SH3RF3: variants seen among roughly 807,000 people sequenced by gnomAD.
SH3RF3 encodes SH3 domain containing ring finger 3.
A neutral mutation model predicts 66.3 loss-of-function variants in SH3RF3; 29 were observed. That is an observed-to-expected ratio of 0.44 (90% CI 0.33 to 0.60). SH3RF3 has a LOEUF of 0.60. Ranked by LOEUF, SH3RF3 falls within the 20% of genes least tolerant of loss-of-function variation. The pLI, the probability that SH3RF3 is intolerant of heterozygous loss-of-function variation, is 0.04. For missense variants in SH3RF3, 1,194 were observed against 1,190.9 expected (o/e 1.00, Z -0.04); for synonymous variants, 583 against 532.0 (o/e 1.10, Z -1.32).
chr2:109,165,788 C>T (rs1677605400), intron 1 of SH3RF3, among the ~76,000 whole-genome samples: 1 of 152,130 alleles, frequency 6.6e-6, no homozygotes, highest in Non-Finnish European at 1.5e-5. Flanking sequence ...CATCATTTAG[C>T]ATGAGTGTGT....
Position 109,347,701 on chromosome 2 carries a change from G to T in SH3RF3, c.601G>T (p.Ala201Ser), listed in dbSNP as rs755847337. ...TCCCTGCCTGCTTCCCTATGGCAAG[G>T]CCCTCTACAGCTACGAGGGGAAGGA... ...KNPCLLPYGK[A>S]LYSYEGKEPG... The change falls in exon 2 of 10, where the codon GCC becomes TCC. Residue 201 changes from alanine to serine, a missense_variant. Ala to Ser is a moderately conservative substitution (Grantham distance 99, BLOSUM62 1). Coordinates refer to ENST00000309415, the MANE Select transcript of SH3RF3 (RefSeq NM_001099289.3). 6.2e-7 allele frequency: 1 copy of T among 1,613,822 alleles called. No homozygotes were observed. The highest frequency in any genetic ancestry group is 1.1e-5 in the South Asian group (1 of 91,056).
chr2:109,383,926 A>T (rs1030558096), intron 3 of SH3RF3, among the ~76,000 whole-genome samples: 7 of 152,154 alleles, frequency 4.6e-5, no homozygotes, highest in African/African-American at 1.7e-4. Context: ...AGTGTCTGTT[A>T]GGTAGAAGGT....
intron 1 of SH3RF3, among the ~76,000 whole-genome samples, chr2:109,316,445 G>A (rs17035428): frequency 0.31 from 47,391 of 152,050 alleles, 9,148 homozygotes; most frequent in African/African-American, 0.55. Context: ...TGTGATGTCA[G>A]TGTGATCTTC....
chr2:109,167,788 G>A (rs1677665335), intron 1 of SH3RF3, among the ~76,000 whole-genome samples: 1 of 152,090 alleles, frequency 6.6e-6, no homozygotes, highest in Non-Finnish European at 1.5e-5. Flanking sequence ...AGCCAGGATG[G>A]TCTTGATCTC....
chr2:109,246,956 G>A (rs1679932632), intron 1 of SH3RF3, among the ~76,000 whole-genome samples: 1 of 152,220 alleles, frequency 6.6e-6, no homozygotes, highest in African/African-American at 2.4e-5. Flanking sequence ...GGCGTTCCCA[G>A]AGCATGAGGA....
At chr2:109,244,898 A>G (rs1443883258) in intron 1 of SH3RF3, among the ~76,000 whole-genome samples, 1 of 152,176 alleles carries the variant, frequency 6.6e-6, no homozygotes, top group Non-Finnish European at 1.5e-5. Context: ...GTGTGGACAC[A>G]AGTTAGAAGC....
At position 109,405,498 on chromosome 2, in the gene SH3RF3, G is replaced by A. The variant is rs577241371; in HGVS notation, c.1299+6555G>A. On this transcript the variant is annotated intron_variant, in intron 4 of 9. Transcript: ENST00000309415. ...GAGCCTGTGCAGATCTTCTCCCTGC[G>A]CACCACGCTGCTCTGGCCCTGGTCC... 4.4e-4 allele frequency among the ~76,000 whole-genome samples: 67 copies of A among 152,058 alleles called. 2 individuals are homozygous for A. Among genetic ancestry groups the A allele is most frequent in the African/African-American group, 1.5e-3 (62 of 41,478 alleles).
intron 1 of SH3RF3, among the ~76,000 whole-genome samples, chr2:109,262,170 G>A (rs901988478): frequency 6.6e-6 from 1 of 152,154 alleles, no homozygotes; most frequent in African/African-American, 2.4e-5. Flanking sequence ...TCCTGTTATG[G>A]TTACAGTTGT....
chr2:109,196,127 G>T (rs1277516411), intron 1 of SH3RF3, among the ~76,000 whole-genome samples: 1 of 152,222 alleles, frequency 6.6e-6, no homozygotes, highest in African/African-American at 2.4e-5. Flanking sequence ...ACAGAAGCCG[G>T]CAGGCACACG....
intron 2 of SH3RF3, among the ~76,000 whole-genome samples, chr2:109,370,525 C>G (rs1353194791): frequency 6.6e-6 from 1 of 152,154 alleles, no homozygotes; most frequent in Non-Finnish European, 1.5e-5. Flanking sequence ...AGGCATGAGC[C>G]ACCGCGCCCG....
rs367667693 is a variant in SH3RF3 at position 109,449,340 on chromosome 2, C to T, written c.1999C>T (p.Pro667Ser). Residue 667 changes from proline to serine, a missense_variant, in exon 8 of 10, where the codon CCC becomes TCC. Coordinates refer to ENST00000309415, the MANE Select transcript of SH3RF3 (RefSeq NM_001099289.3). The stretch of plus-strand genomic sequence containing the variant: ...GCAGATGTGCCCACGGCCGGCCATC[C>T]CCCTCACATCAGCAGCATCAGCCAT... ...PVQMCPRPAI[P>S]LTSAASAITP... 6.2e-7 allele frequency: 1 copy of T among 1,605,768 alleles called. No individual in the cohort carries two copies. Among genetic ancestry groups the T allele is most frequent in the Non-Finnish European group, 8.5e-7 (1 of 1,175,316 alleles).
intron 1 of SH3RF3, among the ~76,000 whole-genome samples, chr2:109,260,351 C>G (rs1251085283): frequency 6.6e-6 from 1 of 152,152 alleles, no homozygotes; most frequent in African/African-American, 2.4e-5. Flanking sequence ...GACCTGTGAC[C>G]CGAGGTCAGG....
chr2:109,449,279 G>T lies in SH3RF3; in HGVS notation c.1938G>T (p.Ser646=). ...RLPATSLRPH[S]VVSPQHSHQP... ...CTGCCACCAGCCTCAGGCCCCACTC[G>T]GTGGTGTCCCCGCAGCACAGCCACC... is the stretch of plus-strand genomic sequence containing the variant. Residue 646 remains serine (S), a synonymous_variant, in exon 8 of 10, where the codon TCG becomes TCT. Coordinates refer to ENST00000309415, the MANE Select transcript of SH3RF3 (RefSeq NM_001099289.3). 6.2e-7 allele frequency: 1 copy of T among 1,610,522 alleles called. No homozygotes were observed. Among genetic ancestry groups the T allele is most frequent in the Non-Finnish European group, 8.5e-7 (1 of 1,178,420 alleles).
At chr2:109,370,904 CTGAGT>C (rs1279991687) in intron 2 of SH3RF3, among the ~76,000 whole-genome samples, 2 of 152,210 alleles carry the variant, frequency 1.3e-5, no homozygotes, top group African/African-American at 4.8e-5. Context: ...TGTAGTTGGA[CTGAGT>C]TATTTTTTTG....
Position 109,503,236 on chromosome 2 carries a change from A to T in SH3RF3, c.*1565A>T, listed in dbSNP as rs1679442083. 1 of 152,166 alleles carries T rather than the reference A, an allele frequency of 6.6e-6. No homozygotes were observed. The highest frequency in any genetic ancestry group is 2.4e-5 in the African/African-American group (1 of 41,434). The allele number at this position is 152,166 out of a possible 1,614,324, so 9.4% of individuals were successfully genotyped here. On this transcript the variant is annotated 3_prime_UTR_variant, in exon 10 of 10. Transcript: ENST00000309415. ...CTATATTTTTACAAATACCATTCAG[A>T]CTTAAATTAAGCTGAAGAAACTAGC...
chr2:109,468,451 A>C (rs1440107037), intron 8 of SH3RF3, among the ~76,000 whole-genome samples: 1 of 152,186 alleles, frequency 6.6e-6, no homozygotes, highest in Non-Finnish European at 1.5e-5. Flanking sequence ...AAACGTCCTT[A>C]TGTAACACAT....
At chr2:109,197,053 T>A (rs1678520605) in intron 1 of SH3RF3, among the ~76,000 whole-genome samples, 1 of 152,120 alleles carries the variant, frequency 6.6e-6, no homozygotes, top group Non-Finnish European at 1.5e-5. Context: ...TTTCTGCAGA[T>A]GAGTACACTG....
At chr2:109,349,912 A>G (rs76068560) in intron 2 of SH3RF3, among the ~76,000 whole-genome samples, 2,360 of 152,362 alleles carry the variant, frequency 0.015, 29 homozygotes, top group Non-Finnish European at 0.021. Flanking sequence ...CTGCCCATTT[A>G]TTCCACAGAA....
At chr2:109,289,151 C>T (rs1422000506) in intron 1 of SH3RF3, among the ~76,000 whole-genome samples, 2 of 152,124 alleles carry the variant, frequency 1.3e-5, no homozygotes, top group African/African-American at 4.8e-5. Context: ...TAACTATCTC[C>T]TCCTCCATCC....
Sources: allele counts gnomAD v4.1 joint callset (sites outside exome capture counted in the v4.1 genomes callset), GRCh38; gene constraint gnomAD v4.1.1; transcripts MANE v1.5; gene names NCBI Gene and HGNC (gene_info 2026-07-23, HGNC 2026-07-21).